The following GCNT1 variants were observed in gnomAD, a reference collection of about 807,000 sequenced individuals.
GCNT1 encodes the protein glucosaminyl (N-acetyl) transferase 1, also known as beta-1,3-galactosyl-O-glycosyl-glycoprotein beta-1,6-N-acetylglucosaminyltransferase.
In GCNT1, 16 loss-of-function variants were observed where a neutral mutation model predicts 26.2. That is an observed-to-expected ratio of 0.61 (90% confidence interval 0.41 to 0.93). GCNT1 has a LOEUF of 0.93. GCNT1 is among the 40% of genes least tolerant of loss of function. The pLI, the probability that GCNT1 is intolerant of heterozygous loss-of-function variation, is 0.00. For missense variants in GCNT1, 477 were observed against 526.7 expected, an observed-to-expected ratio of 0.91 and a Z score of 0.92; for synonymous variants, 183 against 190.8, an observed-to-expected ratio of 0.96 and a Z score of 0.34.
intron 2 of GCNT1, among the ~76,000 whole-genome samples, chr9:76,498,163 T>C (rs1204552774): frequency 1.3e-5 from 2 of 152,250 alleles, no homozygotes; most frequent in Non-Finnish European, 2.9e-5. Context: ...TCATATCTTA[T>C]TATACCCGTA....
intron 2 of GCNT1, among the ~76,000 whole-genome samples, chr9:76,481,141 G>C (rs1484651059): frequency 6.6e-6 from 1 of 152,076 alleles, no homozygotes; most frequent in African/African-American, 2.4e-5. Context: ...AGGAGGCTGA[G>C]GTTGCAGTAA....
At chr9:76,419,657 C>CA (rs1397608464), upstream of GCNT1, among the ~76,000 whole-genome samples, 1 of 150,274 alleles carries the variant, frequency 6.7e-6, no homozygotes, top group South Asian at 2.1e-4. Context: ...GACCCTGTGT[C>CA]AAAAAAATAA....
At chr9:76,485,631 A>G (rs565948428) in intron 2 of GCNT1, among the ~76,000 whole-genome samples, 11 of 152,244 alleles carry the variant, frequency 7.2e-5, no homozygotes, top group African/African-American at 2.4e-4. Flanking sequence ...GTTTCTTCCT[A>G]GTACTCCCAC....
chr9:76,490,877 G>GT (rs1176167927), intron 2 of GCNT1, among the ~76,000 whole-genome samples: 1 of 152,252 alleles, frequency 6.6e-6, no homozygotes, highest in Non-Finnish European at 1.5e-5. Context: ...TAGATCCCCT[G>GT]TAAGGAAACC....
upstream of GCNT1, among the ~76,000 whole-genome samples, chr9:76,415,115 G>A (rs972575536): frequency 9.2e-5 from 14 of 152,014 alleles, no homozygotes; most frequent in Admixed American, 9.2e-4. Flanking sequence ...CTGGAGTGCA[G>A]TGACACGATC....
At chr9:76,435,239 G>T (rs1345301496) in intron 1 of GCNT1, among the ~76,000 whole-genome samples, 1 of 152,098 alleles carries the variant, frequency 6.6e-6, no homozygotes, top group Non-Finnish European at 1.5e-5. Flanking sequence ...CGGCTCGGGT[G>T]GGCATCATGG....
At chr9:76,472,391 A>G (rs953402067) in intron 2 of GCNT1, among the ~76,000 whole-genome samples, 2 of 152,162 alleles carry the variant, frequency 1.3e-5, no homozygotes, top group African/African-American at 4.8e-5. Context: ...AAAAAGTAGA[A>G]TTGAGTGAAG....
chr9:76,411,291 C>G, the GCNT1 span, among the ~76,000 whole-genome samples: 1 of 151,950 alleles, frequency 6.6e-6, no homozygotes, highest in African/African-American at 2.4e-5. Flanking sequence ...CACTTTTTCC[C>G]TGCCATTTTG....
chr9:76,484,432 G>A (rs1396835891), intron 2 of GCNT1, among the ~76,000 whole-genome samples: 1 of 151,544 alleles, frequency 6.6e-6, no homozygotes, highest in African/African-American at 2.4e-5. Flanking sequence ...AAATAACAAT[G>A]ATAAGCCCTT....
intron 2 of GCNT1, among the ~76,000 whole-genome samples, chr9:76,473,158 C>T (rs770785644): frequency 6.6e-6 from 1 of 152,214 alleles, no homozygotes; most frequent in Non-Finnish European, 1.5e-5. Flanking sequence ...TCCAGCAACA[C>T]TAGATGCTTC....
upstream of GCNT1, among the ~76,000 whole-genome samples, chr9:76,419,353 G>T (rs10118954): frequency 2.0e-5 from 3 of 151,742 alleles, no homozygotes; most frequent in Non-Finnish European, 4.4e-5. Flanking sequence ...ATATTGGTTG[G>T]TAAAATAAAT....
intron 2 of GCNT1, among the ~76,000 whole-genome samples, chr9:76,499,416 C>A (rs661901): frequency 1.3e-5 from 2 of 152,052 alleles, no homozygotes; most frequent in African/African-American, 4.8e-5. Flanking sequence ...GCATGAGCCA[C>A]CACACCTAGC....
At chr9:76,496,980 C>T (rs988365314) in intron 2 of GCNT1, among the ~76,000 whole-genome samples, 10 of 152,148 alleles carry the variant, frequency 6.6e-5, no homozygotes, top group South Asian at 2.1e-4. Flanking sequence ...AGGCCTTGGG[C>T]GAGTGAGGCT....
At position 76,478,931 on chromosome 9, in the gene GCNT1, A is replaced by G. The variant is rs375671649; in HGVS notation, c.-290+18754A>G. On this transcript the variant is annotated intron_variant, in intron 2 of 3. Coordinates refer to ENST00000376730, the MANE Select transcript of GCNT1 (RefSeq NM_001490.5). The stretch of plus-strand genomic sequence containing the variant: ...GTGCAGGTTTGTTACATATGTATAC[A>G]TGTGCCATGTTGGTGGGCTGCACCC... 4.7e-4 allele frequency among the ~76,000 whole-genome samples: 71 copies of G among 152,328 alleles called. No homozygotes were observed. In the East Asian group the frequency reaches 0.012, roughly 26 times the overall value.
chr9:76,480,024 T>G (rs1824376378), intron 2 of GCNT1, among the ~76,000 whole-genome samples: 1 of 152,216 alleles, frequency 6.6e-6, no homozygotes, highest in Admixed American at 6.5e-5. Flanking sequence ...CTTGAATTAA[T>G]TTTTGTATAA....
intron 2 of GCNT1, among the ~76,000 whole-genome samples, chr9:76,466,692 C>A (rs1157233814): frequency 3.9e-5 from 6 of 152,142 alleles, no homozygotes; most frequent in Non-Finnish European, 8.8e-5. Context: ...AGGGTGAGAA[C>A]ACAGTGCAGA....
At chr9:76,449,121 G>A (rs1823622748) in intron 1 of GCNT1, among the ~76,000 whole-genome samples, 1 of 152,110 alleles carries the variant, frequency 6.6e-6, no homozygotes, top group Non-Finnish European at 1.5e-5. Context: ...GAGGCCAGGA[G>A]TTTGAGACCA....
At chr9:76,482,357 C>A in intron 2 of GCNT1, among the ~76,000 whole-genome samples, 1 of 151,534 alleles carries the variant, frequency 6.6e-6, no homozygotes, top group Non-Finnish European at 1.5e-5. Flanking sequence ...GTGGTGGCTC[C>A]ATGCCTGTGA....
chr9:76,492,801 G>A (rs987842809), intron 2 of GCNT1, among the ~76,000 whole-genome samples: 8 of 151,958 alleles, frequency 5.3e-5, no homozygotes, highest in Non-Finnish European at 1.0e-4. Context: ...AACCAGCAAG[G>A]TTTGTTTGTC....
Sources: allele counts gnomAD v4.1 joint callset (sites outside exome capture counted in the v4.1 genomes callset), GRCh38; gene constraint gnomAD v4.1.1; transcripts MANE v1.5; gene names NCBI Gene and HGNC (gene_info 2026-07-23, HGNC 2026-07-21).